SRP54: variants seen among roughly 807,000 people sequenced by gnomAD.
SRP54 encodes the protein signal recognition particle subunit SRP54.
SRP54 carries 10 observed loss-of-function variants against 64.8 expected under a neutral mutation model. The ratio of observed to expected loss-of-function variants is 0.15; its 90% CI spans 0.10 to 0.26. The LOEUF (loss-of-function observed/expected upper bound fraction) is 0.26, where lower values mean the gene tolerates loss of function less well. Among genes scored for constraint, SRP54 ranks in the 10% least tolerant of loss-of-function variants. SRP54 has a pLI of 1.00. For missense variants in SRP54, 325 were observed against 613.7 expected (o/e 0.53, Z 4.97); for synonymous variants, 193 against 185.6 (o/e 1.04, Z -0.32).
intron 9 of SRP54, 130 bp downstream of exon 9, chr14:35,013,624 T>A: frequency 1.6e-6 from 2 of 1,232,382 alleles, no homozygotes; most frequent in Non-Finnish European, 2.3e-6. Context: ...AAAGAAAGTT[T>A]AAATAGAAAC....
In SRP54 at chr14:35,013,838, T is replaced by A. The variant is rs1470860935; in HGVS notation, c.822T>A (p.Gly274=). Residue 274 remains glycine (G), a synonymous_variant, in exon 10 of 16, where the codon GGT becomes GGA. Coordinates refer to ENST00000216774, the MANE Select transcript of SRP54 (RefSeq NM_003136.4). ...CAAAAAGTCCGATTATTTTCATTGG[T>A]ACAGGGGAACATATAGATGACTTTG... ...AATKSPIIFI[G]TGEHIDDFEP... 6.2e-7 allele frequency: 1 copy of A among 1,613,790 alleles called. No individual in the cohort carries two copies. Among genetic ancestry groups the A allele is most frequent in the Non-Finnish European group, 8.5e-7 (1 of 1,179,940 alleles).
At chr14:35,017,430 CTTATA>C (rs890663359) in intron 11 of SRP54, among the ~76,000 whole-genome samples, 3 of 152,148 alleles carry the variant, frequency 2.0e-5, no homozygotes, top group African/African-American at 7.2e-5. Flanking sequence ...CTGTGGATTT[CTTATA>C]TTATTCTAGC....
At chr14:35,007,409 A>G (rs1030475866) in intron 5 of SRP54, 22 bp downstream of exon 5, 3 of 1,497,864 alleles carry the variant, frequency 2.0e-6, no homozygotes, top group Non-Finnish European at 2.7e-6. Context: ...TTAATTTAAA[A>G]AGAAGTCATA....
intron 3 of SRP54, among the ~76,000 whole-genome samples, 189 bp from the exon 4 acceptor site, chr14:35,000,747 A>G (rs556430735): frequency 3.3e-5 from 5 of 152,222 alleles, no homozygotes; most frequent in Non-Finnish European, 7.3e-5. Flanking sequence ...TCTTGCATCT[A>G]ATACTTCATG....
At chr14:35,012,198 A>C (rs2139005312) in intron 8 of SRP54, among the ~76,000 whole-genome samples, 1 of 146,952 alleles carries the variant, frequency 6.8e-6, no homozygotes, top group African/African-American at 2.5e-5. Flanking sequence ...CCTGGGCAAC[A>C]AGAGCAAAAC....
At chr14:35,028,908 A>G (rs150050581) in intron 15 of SRP54, among the ~76,000 whole-genome samples, 153 bp from the exon 16 acceptor site, 372 of 152,320 alleles carry the variant, frequency 2.4e-3, no homozygotes, top group South Asian at 6.4e-3. Context: ...TGATAATACA[A>G]ATTTTTAGGT....
In SRP54 at chr14:35,027,954, TTA is replaced by T. The variant is rs1446733834; in HGVS notation, c.1328-132_1328-131del. The T allele has an allele frequency of 2.4e-5, 11 of 454,142 alleles. No individual in the cohort carries two copies. The East Asian group carries it at 3.7e-4, about 15-fold the overall frequency. The allele number at this position is 454,142 out of a possible 1,614,324, so 28.1% of individuals were successfully genotyped here. A position where few individuals can be genotyped will look rare whatever the true frequency, so the allele number is the denominator to read the frequency against. On this transcript the variant is annotated intron_variant, in intron 14 of 15. Transcript: ENST00000216774. ...AGGGAATATGTAGAAATAGAAAGAA[TTA>T]TGTTAGAGTGATAGGATTATGTAAT... is the stretch of plus-strand genomic sequence containing the variant.
rs141367035 is a variant in SRP54, at chr14:35,024,280, C to T, written c.1327+1200C>T. 5.1e-3 allele frequency among the ~76,000 whole-genome samples: 778 copies of T among 152,266 alleles called. 4 individuals carry two copies. Among genetic ancestry groups the T allele is most frequent in the African/African-American group, 0.017 (720 of 41,550 alleles). ...CTGACCTCAAATGATGTGCCCGCCT[C>T]GGACTCCCAAAGTGCTGGGATTACA... On this transcript the variant is annotated intron_variant, in intron 14 of 15. Coordinates refer to ENST00000216774, the MANE Select transcript of SRP54 (RefSeq NM_003136.4).
intron 11 of SRP54, among the ~76,000 whole-genome samples, chr14:35,015,218 G>A (rs1199522802): frequency 3.9e-5 from 6 of 151,978 alleles, no homozygotes; most frequent in Non-Finnish European, 5.9e-5. Context: ...CTGGGATTAC[G>A]GGCACGTACC....
At position 35,008,631 on chromosome 14, in the gene SRP54, C is replaced by T; in HGVS notation, c.365C>T (p.Ala122Val). The change falls in exon 6 of 16, where the codon GCA (alanine) becomes GTA (valine). Residue 122 changes from alanine to valine, a missense_variant. Transcript: ENST00000216774. ...SGKTTTCSKLAYYYQRKGWKT... is the reference protein window; with the variant it reads ...SGKTTTCSKLVYYYQRKGWKT... ...TTTAAATCTTTTCTCACCCAGCTAG[C>T]ATATTATTACCAGAGGAAAGGTTGG... 1 of 1,565,328 alleles carries T rather than the reference C, an allele frequency of 6.4e-7. No individual in the cohort carries two copies. Among genetic ancestry groups the T allele is most frequent in the Non-Finnish European group, 8.7e-7 (1 of 1,154,018 alleles).
At chr14:35,022,794 G>A in intron 13 of SRP54, 116 bp from the exon 14 acceptor site, 1 of 714,538 alleles carries the variant, frequency 1.4e-6, no homozygotes, top group Non-Finnish European at 2.0e-6. Context: ...AAATGAGATA[G>A]TTATCACTTT....
At chr14:35,024,298 G>A (rs557448605) in intron 14 of SRP54, among the ~76,000 whole-genome samples, 1 of 152,230 alleles carries the variant, frequency 6.6e-6, no homozygotes, top group East Asian at 1.9e-4. Flanking sequence ...CAAAGTGCTG[G>A]GATTACAGGC....
chr14:35,013,268 T>C, intron 8 of SRP54, 78 bp from the exon 9 acceptor site: 1 of 1,393,270 alleles, frequency 7.2e-7, no homozygotes, highest in South Asian at 1.2e-5. Context: ...AATATTGTTT[T>C]ATAGCTTCTA....
At chr14:35,026,448 GAT>G (rs760721138) in intron 14 of SRP54, among the ~76,000 whole-genome samples, 116 of 152,018 alleles carry the variant, frequency 7.6e-4, no homozygotes, top group Non-Finnish European at 8.8e-4. Context: ...TGCCCAGGCT[GAT>G]CTTGAACTCC....
In SRP54 at chr14:35,022,999, G is replaced by A. The variant is rs770936481; in HGVS notation, c.1246G>A (p.Asp416Asn). Reference protein sequence around the residue: ...VARGSGVSTRDVQELLTQYTK... With the variant: ...VARGSGVSTRNVQELLTQYTK... ...AAGAGGATCGGGTGTATCAACAAGA[G>A]ATGTTCAAGAACTTTTGACACAATA... Residue 416 changes from aspartate to asparagine, a missense_variant, in exon 14 of 16, where the codon GAT becomes AAT. Coordinates refer to ENST00000216774, the MANE Select transcript of SRP54 (RefSeq NM_003136.4). 6.2e-7 allele frequency: 1 copy of A among 1,613,948 alleles called. No individual in the cohort carries two copies. Among genetic ancestry groups the A allele is most frequent in the South Asian group, 1.1e-5 (1 of 91,068 alleles).
chr14:35,013,173 G>T (rs558000710), intron 8 of SRP54, among the ~76,000 whole-genome samples, 173 bp from the exon 9 acceptor site: 3 of 152,046 alleles, frequency 2.0e-5, no homozygotes, highest in Non-Finnish European at 4.4e-5. Flanking sequence ...TGGCCAGGCT[G>T]GTCTTGAACT....
Position 35,013,513 on chromosome 14 carries a change from G to A in SRP54, c.785+19G>A. 6.2e-7 allele frequency: 1 copy of A among 1,608,492 alleles called. No individual in the cohort carries two copies. Among genetic ancestry groups the A allele is most frequent in the Middle Eastern group, 1.7e-4 (1 of 6,048 alleles). ...TCAGTGCGTAAGTATCATTGATACT[G>A]TTGTCCTCTGTCTTGGGATTATATG... On this transcript the variant is annotated intron_variant, in intron 9 of 15. Transcript: ENST00000216774.
intron 14 of SRP54, among the ~76,000 whole-genome samples, chr14:35,026,481 A>G (rs367818122): frequency 8.6e-5 from 13 of 151,946 alleles, no homozygotes; most frequent in Middle Eastern, 3.4e-3. Context: ...TAATCAGCCT[A>G]CCTTCGCCAC....
intron 1 of SRP54, among the ~76,000 whole-genome samples, chr14:34,987,303 A>G (rs2043915201): frequency 8.7e-6 from 1 of 115,380 alleles, no homozygotes; most frequent in East Asian, 4.1e-4. Context: ...ACACACACAC[A>G]TAATTCTTAG....
Sources: allele counts gnomAD v4.1 joint callset (sites outside exome capture counted in the v4.1 genomes callset), GRCh38; gene constraint gnomAD v4.1.1; transcripts MANE v1.5; gene names NCBI Gene and HGNC (gene_info 2026-07-23, HGNC 2026-07-21).